Variants in AXDND1 observed in about 807,000 individuals in gnomAD.
AXDND1 encodes the protein axonemal dynein light chain domain containing 1.
A neutral mutation model predicts 137.5 loss-of-function variants in AXDND1; 110 were observed. That is an observed-to-expected ratio of 0.80 (90% CI 0.69 to 0.94). The LOEUF is 0.94. Among genes scored for constraint, AXDND1 ranks in the 40% least tolerant of loss-of-function variants. The pLI is 0.00. For missense variants in AXDND1, 1,191 were observed against 1,169.8 expected (o/e 1.02, Z -0.26); for synonymous variants, 414 against 399.7 (o/e 1.04, Z -0.43).
chr1:179,517,929 G>A (rs1669696854), intron 21 of AXDND1, among the ~76,000 whole-genome samples: 3 of 152,186 alleles, frequency 2.0e-5, no homozygotes, highest in Admixed American at 2.0e-4. Context: ...ACACTGCTCT[G>A]TCCATCTGAG....
At chr1:179,508,679 A>G (rs1668754552) in intron 20 of AXDND1, among the ~76,000 whole-genome samples, 1 of 151,968 alleles carries the variant, frequency 6.6e-6, no homozygotes, top group African/African-American at 2.4e-5. Flanking sequence ...AGTGTCTCAA[A>G]TCTTGATCCA....
At chr1:179,433,460 T>A (rs1657684781) in intron 15 of AXDND1, among the ~76,000 whole-genome samples, 1 of 152,182 alleles carries the variant, frequency 6.6e-6, no homozygotes. Context: ...GATGTTAGGG[T>A]GTTGATTTGA....
intron 20 of AXDND1, among the ~76,000 whole-genome samples, chr1:179,496,263 G>A (rs1468373225): frequency 6.6e-6 from 1 of 151,966 alleles, no homozygotes; most frequent in Non-Finnish European, 1.5e-5. Context: ...TTCTGTTTTA[G>A]AAATAATATG....
chr1:179,422,061 AAC>A (rs1428593527), intron 12 of AXDND1, among the ~76,000 whole-genome samples: 1 of 151,528 alleles, frequency 6.6e-6, no homozygotes, highest in Non-Finnish European at 1.5e-5. Context: ...AAAAAAAAAA[AAC>A]AGCAGCTTTT....
chr1:179,429,721 AT>A, intron 13 of AXDND1, 102 bp downstream of exon 13: 1 of 603,728 alleles, frequency 1.7e-6, no homozygotes, highest in Non-Finnish European at 2.6e-6. Flanking sequence ...TAAAAATATC[AT>A]TTTATATTAG....
chr1:179,400,341 T>G (rs1276969620), intron 11 of AXDND1, among the ~76,000 whole-genome samples: 1 of 151,984 alleles, frequency 6.6e-6, no homozygotes, highest in African/African-American at 2.4e-5. Flanking sequence ...AAACCAAACA[T>G]TGTATGTTCT....
At chr1:179,454,024 C>T (rs1318420488) in intron 16 of AXDND1, 1 of 152,098 alleles carries the variant, frequency 6.6e-6, no homozygotes, top group African/African-American at 2.4e-5. Flanking sequence ...GGAATGTGGA[C>T]TTTTAAGTTA....
chr1:179,453,138 G>A (rs973506763), intron 16 of AXDND1: 2 of 152,280 alleles, frequency 1.3e-5, no homozygotes, highest in Non-Finnish European at 2.9e-5. Flanking sequence ...GTATGGAAAC[G>A]CCTGGATGCC....
chr1:179,465,222 T>C (rs2125461857), intron 16 of AXDND1, among the ~76,000 whole-genome samples: 1 of 152,352 alleles, frequency 6.6e-6, no homozygotes, highest in South Asian at 2.1e-4. Flanking sequence ...ATTTTCAGCT[T>C]CTCTACTCTG....
rs559878954 is a variant in AXDND1 at position 179,487,550 on chromosome 1, T to A, written c.2092-3988T>A. 6.8e-4 allele frequency among the ~76,000 whole-genome samples: 101 copies of A among 148,652 alleles called. 14 individuals carry two copies. Among genetic ancestry groups the A allele is most frequent in the African/African-American group, 2.5e-3 (99 of 39,130 alleles). On this transcript the variant is annotated intron_variant, in intron 18 of 25. Transcript: ENST00000367618. ...AGGTTTAAATTGCAGATTAAACTTG[T>A]GATTATAAAGCTATTTGAAGGTCTG...
At chr1:179,517,242 G>C (rs187578053) in intron 21 of AXDND1, among the ~76,000 whole-genome samples, 6 of 152,088 alleles carry the variant, frequency 3.9e-5, no homozygotes, top group Non-Finnish European at 8.8e-5. Flanking sequence ...GAAAGCAGGC[G>C]GTCACAGACC....
intron 5 of AXDND1, 148 bp from the exon 6 acceptor site, chr1:179,379,249 C>G (rs761159257): frequency 2.7e-6 from 2 of 738,290 alleles, no homozygotes; most frequent in Non-Finnish European, 4.2e-6. Context: ...TTGCTATGAC[C>G]CACATTGCTA....
At chr1:179,379,767 G>A (rs1647914364) in intron 6 of AXDND1, among the ~76,000 whole-genome samples, 1 of 130,756 alleles carries the variant, frequency 7.6e-6, no homozygotes, top group Non-Finnish European at 1.5e-5. Flanking sequence ...TTACACTCCA[G>A]CCTGGGCAAC....
intron 4 of AXDND1, among the ~76,000 whole-genome samples, chr1:179,377,037 T>G (rs1239215315): frequency 6.6e-6 from 1 of 152,148 alleles, no homozygotes; most frequent in Non-Finnish European, 1.5e-5. Context: ...GTTCAAGTGA[T>G]TCTCCTGCCT....
intron 25 of AXDND1, among the ~76,000 whole-genome samples, chr1:179,540,254 C>G (rs1360734097): frequency 6.6e-6 from 1 of 152,126 alleles, no homozygotes; most frequent in Non-Finnish European, 1.5e-5. Context: ...GAGTTGTGAT[C>G]CTTTGGAGGA....
intron 16 of AXDND1, among the ~76,000 whole-genome samples, chr1:179,446,565 C>T (rs1315321047): frequency 6.6e-6 from 1 of 152,130 alleles, no homozygotes. Context: ...GATTCTGTTG[C>T]CAGTGGTCTA....
intron 4 of AXDND1, among the ~76,000 whole-genome samples, chr1:179,373,736 C>CT (rs1373160481): frequency 6.6e-6 from 1 of 152,148 alleles, no homozygotes; most frequent in Non-Finnish European, 1.5e-5. Flanking sequence ...AAAGGATTCC[C>CT]TATTTAATAA....
intron 11 of AXDND1, among the ~76,000 whole-genome samples, chr1:179,409,085 A>G (rs540135559): frequency 1.5e-4 from 22 of 148,806 alleles, no homozygotes; most frequent in Non-Finnish European, 2.2e-4. Context: ...TCTTCGATTC[A>G]CTAGTATGGT....
At chr1:179,465,967 G>A (rs897986819) in intron 16 of AXDND1, among the ~76,000 whole-genome samples, 3 of 152,146 alleles carry the variant, frequency 2.0e-5, no homozygotes, top group African/African-American at 7.2e-5. Context: ...TAAGACCATT[G>A]GAAAAGCGCA....
Sources: allele counts gnomAD v4.1 joint callset (sites outside exome capture counted in the v4.1 genomes callset), GRCh38; gene constraint gnomAD v4.1.1; transcripts MANE v1.5; gene names NCBI Gene and HGNC (gene_info 2026-07-23, HGNC 2026-07-21).